Variants in GSE1 observed in about 807,000 individuals in gnomAD.
GSE1 encodes the protein genetic suppressor element 1.
In GSE1, 32 loss-of-function variants were observed where a neutral mutation model predicts 112.6. The observed-to-expected ratio is 0.28, with a 90% CI of 0.21 to 0.38. The LOEUF is 0.38. GSE1 is among the 10% of genes least tolerant of loss of function. GSE1 has a pLI of 1.00. For synonymous variants in GSE1, 1,115 were observed against 735.6 expected, an observed-to-expected ratio of 1.52 and a Z score of -8.35; for missense variants, 2,348 against 1,699.2, an observed-to-expected ratio of 1.38 and a Z score of -6.71.
intron 1 of GSE1, among the ~76,000 whole-genome samples, chr16:85,276,522 C>A (rs191756342): frequency 2.6e-5 from 4 of 152,326 alleles, no homozygotes; most frequent in Admixed American, 2.6e-4. Flanking sequence ...AGTCACTGAG[C>A]AGGTTCAGCC....
intron 1 of GSE1, among the ~76,000 whole-genome samples, chr16:85,249,154 C>A (rs933336396): frequency 2.6e-5 from 4 of 152,240 alleles, no homozygotes; most frequent in Non-Finnish European, 4.4e-5. Context: ...TCTTGCCTTT[C>A]CCAGGCATGA....
intron 1 of GSE1, among the ~76,000 whole-genome samples, chr16:85,337,644 G>A (rs894672284): frequency 6.6e-6 from 1 of 150,840 alleles, no homozygotes; most frequent in Non-Finnish European, 1.5e-5. Flanking sequence ...GGGACCTGGC[G>A]CAGGGATGGG....
At chr16:85,586,822 C>T (rs757071347) in intron 1 of GSE1, among the ~76,000 whole-genome samples, 1 of 152,190 alleles carries the variant, frequency 6.6e-6, no homozygotes, top group Non-Finnish European at 1.5e-5. Context: ...CCTGGCAGCC[C>T]CTCCCTACTC....
In GSE1 at chr16:85,586,720, C is replaced by A. The variant is rs567312841; in HGVS notation, c.37+30357C>A. ...CACCTCTGAGAGCAGCCGTGTGAGA[C>A]CCCCGTCCACAGCCCCGGCATGGAG... On this transcript the variant is annotated intron_variant, in intron 1 of 2. Coordinates refer to the GSE1 transcript ENST00000635906. Among the ~76,000 whole-genome samples the A allele has an allele frequency of 6.6e-5, 10 of 152,300 alleles. No homozygotes were observed. In the South Asian group the frequency reaches 2.1e-3, roughly 32 times the overall value.
At chr16:85,500,659 C>G (rs2051329981) in intron 2 of GSE1, among the ~76,000 whole-genome samples, 1 of 152,216 alleles carries the variant, frequency 6.6e-6, no homozygotes, top group South Asian at 2.1e-4. Context: ...CTCCATGTCA[C>G]CCTTCCTCCT....
intron 2 of GSE1, among the ~76,000 whole-genome samples, chr16:85,428,720 C>T (rs1224287898): frequency 6.6e-6 from 1 of 152,162 alleles, no homozygotes; most frequent in African/African-American, 2.4e-5. Flanking sequence ...AGATGAATTT[C>T]ACTGTTGGCT....
chr16:85,495,430 TTTATTTATTTA>T (rs1567535514), intron 2 of GSE1, among the ~76,000 whole-genome samples: 5 of 5,558 alleles, frequency 9.0e-4, no homozygotes, highest in Non-Finnish European at 1.4e-3. Context: ...CTGGGAACAT[TTTATTTATTTA>T]TTTATTTATT....
intron 1 of GSE1, among the ~76,000 whole-genome samples, chr16:85,348,301 C>A (rs905801624): frequency 8.9e-6 from 1 of 112,756 alleles, no homozygotes; most frequent in Non-Finnish European, 2.2e-5. Context: ...ACTGTTCATC[C>A]ATCCATCCAT....
intron 1 of GSE1, among the ~76,000 whole-genome samples, chr16:85,184,195 T>G (rs749528133): frequency 6.6e-6 from 1 of 152,224 alleles, no homozygotes; most frequent in Non-Finnish European, 1.5e-5. Context: ...GAAGGGCTTC[T>G]GGACCCCATT....
At chr16:85,528,847 G>A (rs890486312) in intron 2 of GSE1, among the ~76,000 whole-genome samples, 9 of 152,160 alleles carry the variant, frequency 5.9e-5, no homozygotes, top group Non-Finnish European at 1.2e-4. Context: ...GCCTCGTGGA[G>A]GAGGTAAGAC....
intron 1 of GSE1, among the ~76,000 whole-genome samples, chr16:85,279,811 C>T (rs1351686420): frequency 6.6e-6 from 1 of 152,136 alleles, no homozygotes; most frequent in African/African-American, 2.4e-5. Context: ...GACTGTCTGT[C>T]CCTCCCCTGC....
intron 2 of GSE1, among the ~76,000 whole-genome samples, chr16:85,427,919 T>C (rs2049030448): frequency 6.6e-6 from 1 of 152,238 alleles, no homozygotes; most frequent in African/African-American, 2.4e-5. Flanking sequence ...AAAATATCAG[T>C]GAGATATTCC....
At chr16:85,248,035 A>G (rs1906048699) in intron 1 of GSE1, among the ~76,000 whole-genome samples, 1 of 152,184 alleles carries the variant, frequency 6.6e-6, no homozygotes, top group African/African-American at 2.4e-5. Context: ...GAGCTTACTT[A>G]AGGCCTGCCT....
At chr16:85,303,976 A>C (rs1052347793) in intron 1 of GSE1, among the ~76,000 whole-genome samples, 1 of 152,362 alleles carries the variant, frequency 6.6e-6, no homozygotes, top group Admixed American at 6.5e-5. Flanking sequence ...GGAGACAATG[A>C]GAACAGGACC....
intron 2 of GSE1, among the ~76,000 whole-genome samples, chr16:85,645,855 TA>T (rs1239533509): frequency 6.6e-6 from 1 of 151,908 alleles, no homozygotes; most frequent in African/African-American, 2.4e-5. Context: ...GCATGCATTC[TA>T]CCTGCTTCTA....
intron 1 of GSE1, among the ~76,000 whole-genome samples, chr16:85,177,182 G>A (rs1597723094): frequency 6.6e-6 from 1 of 152,270 alleles, no homozygotes. Context: ...GCAGGAGGGG[G>A]AAGGGGTGAG....
chr16:85,278,380 C>T (rs946855094), intron 1 of GSE1, among the ~76,000 whole-genome samples: 7 of 152,210 alleles, frequency 4.6e-5, no homozygotes, highest in African/African-American at 1.7e-4. Flanking sequence ...CTTTGCTTCT[C>T]TGTTTTTGTC....
intron 2 of GSE1, among the ~76,000 whole-genome samples, chr16:85,501,159 C>T (rs1198635521): frequency 6.6e-6 from 1 of 151,772 alleles, no homozygotes; most frequent in Admixed American, 6.6e-5. Flanking sequence ...CCCCACCACG[C>T]CCAGCTAATT....
chr16:85,457,672 A>T (rs1486763666), intron 2 of GSE1, among the ~76,000 whole-genome samples: 1 of 152,174 alleles, frequency 6.6e-6, no homozygotes, highest in Non-Finnish European at 1.5e-5. Flanking sequence ...ATGCCCCAGG[A>T]AGGAGACTTG....
Sources: gnomAD v4.1 joint callset for allele counts (sites outside exome capture counted in the v4.1 genomes callset) on GRCh38, gnomAD v4.1.1 for gene constraint, MANE v1.5 for transcripts, NCBI Gene and HGNC (gene_info 2026-07-23, HGNC 2026-07-21) for gene names.